HMGXB4: variants seen among roughly 807,000 people sequenced by gnomAD.
HMGXB4 encodes HMG-box containing 4.
Under a neutral mutation model 63.9 loss-of-function variants are expected in HMGXB4, and 27 were observed. The observed-to-expected ratio is 0.42, with a 90% confidence interval of 0.31 to 0.58. The LOEUF (loss-of-function observed/expected upper bound fraction) is 0.58, where lower values mean the gene tolerates loss of function less well. HMGXB4 is among the 20% of genes least tolerant of loss of function. HMGXB4 has a pLI of 0.13. For synonymous variants in HMGXB4, 264 were observed against 265.3 expected, an observed-to-expected ratio of 0.99 and a Z score of 0.05; for missense variants, 624 against 700.7, an observed-to-expected ratio of 0.89 and a Z score of 1.24.
rs573628282 is a variant in HMGXB4 at position 35,266,256 on chromosome 22, T to C, written c.1215+653T>C. Among the ~76,000 whole-genome samples, 28 of 152,344 alleles carry C rather than the reference T, an allele frequency of 1.8e-4. No homozygotes were observed. In the South Asian group the frequency reaches 5.2e-3, roughly 28 times the overall value. On this transcript the variant is annotated intron_variant, in intron 5 of 10. Coordinates refer to ENST00000216106, the MANE Select transcript of HMGXB4 (RefSeq NM_001003681.3). ...GTTGGGAGATGTCAAAAGGTGTTCT[T>C]TGAGTTCATTTTTAAAAACAGACTA... is the stretch of plus-strand genomic sequence containing the variant.
upstream of HMGXB4, among the ~76,000 whole-genome samples, chr22:35,255,544 G>A (rs149958225): frequency 3.2e-3 from 493 of 152,260 alleles, 5 homozygotes; most frequent in African/African-American, 0.011. Context: ...TCCCTCCACA[G>A]GGACACTGCT....
the HMGXB4 span, among the ~76,000 whole-genome samples, chr22:35,249,541 C>T: frequency 2.0e-5 from 2 of 98,326 alleles, 1 homozygote; most frequent in Admixed American, 2.2e-4. Flanking sequence ...AAAGACACAC[C>T]AATTTCTATT....
chr22:35,246,224 G>A, the HMGXB4 span, among the ~76,000 whole-genome samples: 5 of 152,158 alleles, frequency 3.3e-5, no homozygotes, highest in African/African-American at 1.2e-4. Flanking sequence ...GGCACAGGTG[G>A]TATGGGTCCA....
intron 9 of HMGXB4, among the ~76,000 whole-genome samples, chr22:35,290,470 C>G (rs776707693): frequency 1.1e-4 from 17 of 151,932 alleles, no homozygotes; most frequent in South Asian, 2.1e-4. Context: ...GTGGTGAAAC[C>G]CCATCTCTAC....
At chr22:35,241,564 G>A in the HMGXB4 span, among the ~76,000 whole-genome samples, 1 of 152,116 alleles carries the variant, frequency 6.6e-6, no homozygotes, top group South Asian at 2.1e-4. Flanking sequence ...GCAGGAATGG[G>A]CTGCTTCGGG....
At chr22:35,253,713 A>G (rs1375988647), upstream of HMGXB4, among the ~76,000 whole-genome samples, 1 of 152,180 alleles carries the variant, frequency 6.6e-6, no homozygotes, top group Non-Finnish European at 1.5e-5. Flanking sequence ...ACCTGTGGCC[A>G]TGATTCCAGG....
chr22:35,261,770 G>GCCC (rs113260696), intron 1 of HMGXB4: 4 of 151,384 alleles, frequency 2.6e-5, no homozygotes, highest in African/African-American at 9.7e-5. Context: ...AATTCATGTC[G>GCCC]CCCCCCCCAA....
chr22:35,293,681 T>C lies in HMGXB4; in HGVS notation c.*30T>C, dbSNP rs887993587. The C allele has an allele frequency of 6.4e-7, 1 of 1,551,834 alleles. No individual in the cohort carries two copies. The highest frequency in any genetic ancestry group is 8.9e-7 in the Non-Finnish European group (1 of 1,123,162). On this transcript the variant is annotated 3_prime_UTR_variant, in exon 11 of 11. Transcript: ENST00000216106. Reference sequence around the variant, plus strand: ...AAAGAATCCTGGGACAGAAACCTTATCCTACACCATTGCTGGTTTGTGTAT... The same window carrying C: ...AAAGAATCCTGGGACAGAAACCTTACCCTACACCATTGCTGGTTTGTGTAT...
chr22:35,279,018 G>T (rs931791598), intron 5 of HMGXB4, among the ~76,000 whole-genome samples: 1 of 151,580 alleles, frequency 6.6e-6, no homozygotes, highest in African/African-American at 2.4e-5. Flanking sequence ...CTGCACTCCA[G>T]CCTGCATGAC....
At chr22:35,283,680 C>T (rs1284127573) in intron 5 of HMGXB4, among the ~76,000 whole-genome samples, 1 of 152,142 alleles carries the variant, frequency 6.6e-6, no homozygotes, top group Non-Finnish European at 1.5e-5. Flanking sequence ...ATCTCAGCTA[C>T]TCAGAAGGCT....
rs563841283 is a variant in HMGXB4 at position 35,264,737 on chromosome 22, A to C, written c.349A>C (p.Thr117Pro). The C allele has an allele frequency of 6.2e-7, 1 of 1,614,140 alleles. No homozygotes were observed. Among genetic ancestry groups the C allele is most frequent in the Non-Finnish European group, 8.5e-7 (1 of 1,179,964 alleles). Reference protein sequence around the residue: ...DTAMDLLKAITSPLAAGSKPS... With the variant: ...DTAMDLLKAIPSPLAAGSKPS... ...AGCTATGGACCTGTTGAAAGCTATC[A>C]CTTCCCCACTGGCAGCAGGCTCCAA... is the stretch of plus-strand genomic sequence containing the variant. The change falls in exon 5 of 11, where the codon ACT (threonine) becomes CCT (proline). Residue 117 changes from threonine (T) to proline (P), a missense_variant. Thr to Pro is a conservative substitution (Grantham distance 38). Transcript: ENST00000216106.
chr22:35,254,908 A>T (rs193108554), upstream of HMGXB4, among the ~76,000 whole-genome samples: 2 of 152,266 alleles, frequency 1.3e-5, no homozygotes, highest in Admixed American at 1.3e-4. Context: ...AAAAGAAGAA[A>T]TGGGACCAAT....
intron 8 of HMGXB4, 143 bp from the exon 9 acceptor site, chr22:35,288,095 C>T: frequency 7.5e-6 from 4 of 532,918 alleles, no homozygotes; most frequent in Non-Finnish European, 1.3e-5. Context: ...AAACAAGAGA[C>T]CATAGACTGA....
At position 35,282,453 on chromosome 22, in the gene HMGXB4, A is replaced by G. The variant is rs62233272; in HGVS notation, c.1216-1509A>G. Among the ~76,000 whole-genome samples, 12 of 152,242 alleles carry G rather than the reference A, an allele frequency of 7.9e-5. No individual in the cohort carries two copies. In the South Asian group the frequency reaches 2.1e-3, roughly 26 times the overall value. On this transcript the variant is annotated intron_variant, in intron 5 of 10. Transcript: ENST00000216106. ...CTGGATTACAGGTGTGAGCTACCCC[A>G]CCCGGCCACATTCATGTCATTTTAA...
At chr22:35,267,881 A>G (rs1209882537) in intron 5 of HMGXB4, among the ~76,000 whole-genome samples, 2 of 152,246 alleles carry the variant, frequency 1.3e-5, no homozygotes, top group Non-Finnish European at 2.9e-5. Context: ...AATTGCAGGT[A>G]TCATACATTT....
rs41282605 is a variant in HMGXB4, at chr22:35,295,515, A to G, written c.*1864A>G. 1.9e-3 allele frequency: 284 copies of G among 152,758 alleles called. 2 individuals carry two copies. The highest frequency in any genetic ancestry group is 3.4e-3 in the Middle Eastern group (1 of 296). The allele number at this position is 152,758 out of a possible 1,614,324, so 9.5% of individuals were successfully genotyped here. A position where few individuals can be genotyped will look rare whatever the true frequency, so the allele number is the denominator to read the frequency against. ...TTAATCCTAGCATTGTCATTTATATACATTAATGAAATCCTGATGAGGACC... is the reference window on the plus strand; with the variant it reads ...TTAATCCTAGCATTGTCATTTATATGCATTAATGAAATCCTGATGAGGACC... On this transcript the variant is annotated 3_prime_UTR_variant, in exon 11 of 11. Coordinates refer to ENST00000216106, the MANE Select transcript of HMGXB4 (RefSeq NM_001003681.3).
chr22:35,287,573 C>T, intron 8 of HMGXB4, 121 bp downstream of exon 8: 2 of 673,756 alleles, frequency 3.0e-6, no homozygotes, highest in Non-Finnish European at 5.3e-6. Flanking sequence ...GTATTATTAC[C>T]TGGGAATGTT....
chr22:35,250,363 C>T, the HMGXB4 span, among the ~76,000 whole-genome samples: 3 of 152,192 alleles, frequency 2.0e-5, no homozygotes, highest in Admixed American at 6.5e-5. Flanking sequence ...CAGCGTGTCA[C>T]ATGCAGAGAG....
chr22:35,270,299 A>G (rs933925933), intron 5 of HMGXB4, among the ~76,000 whole-genome samples: 12 of 152,182 alleles, frequency 7.9e-5, no homozygotes, highest in African/African-American at 2.9e-4. Flanking sequence ...GTTCCTTATG[A>G]GAATCTAATG....
Sources: allele counts gnomAD v4.1 joint callset (sites outside exome capture counted in the v4.1 genomes callset), GRCh38; gene constraint gnomAD v4.1.1; transcripts MANE v1.5; gene names NCBI Gene and HGNC (gene_info 2026-07-23, HGNC 2026-07-21).